Variants in STK3 observed in about 807,000 individuals in gnomAD.
The protein encoded by STK3 is serine/threonine-protein kinase 3.
In STK3, 41 loss-of-function variants were observed where a neutral mutation model predicts 58.0. That is an observed-to-expected ratio of 0.71 (90% CI 0.55 to 0.92). STK3 has a LOEUF of 0.92. STK3 is among the 40% of genes least tolerant of loss of function. STK3 has a pLI of 0.00. For synonymous variants in STK3, 170 were observed against 191.0 expected, an observed-to-expected ratio of 0.89 and a Z score of 0.91; for missense variants, 479 against 602.7, an observed-to-expected ratio of 0.79 and a Z score of 2.15.
At chr8:98,447,815 G>A (rs956480101) in intron 1 of STK3, among the ~76,000 whole-genome samples, 6 of 148,726 alleles carry the variant, frequency 4.0e-5, no homozygotes, top group Admixed American at 2.0e-4. Flanking sequence ...TCAGGGAACT[G>A]AGCAAGGCAC....
intron 3 of STK3, among the ~76,000 whole-genome samples, chr8:98,842,497 G>A (rs1341222762): frequency 6.6e-6 from 1 of 152,046 alleles, no homozygotes; most frequent in Admixed American, 6.6e-5. Context: ...GCAACATGGG[G>A]AAATCAAGTC....
intron 4 of STK3, among the ~76,000 whole-genome samples, chr8:98,708,564 G>A (rs1419727267): frequency 6.6e-6 from 1 of 152,192 alleles, no homozygotes; most frequent in Non-Finnish European, 1.5e-5. Context: ...CCGAGGAAGA[G>A]ACGGATGGGA....
Position 98,849,566 on chromosome 8 carries a change from C to T in STK3, c.110+34081G>A, listed in dbSNP as rs569061901. Among the ~76,000 whole-genome samples, 9 of 152,314 alleles carry T rather than the reference C, an allele frequency of 5.9e-5. No homozygotes were observed. In the South Asian group the frequency reaches 1.9e-3, roughly 32 times the overall value. ...TAACTGAGAAGTTTGGGAGACCTGA[C>T]TTCAGATATAGATGGATGCAAGGGT... On this transcript the variant is annotated intron_variant, in intron 3 of 12. Transcript: ENST00000523601.
At chr8:98,923,344 A>C (rs1839645496) in intron 1 of STK3, among the ~76,000 whole-genome samples, 1 of 152,202 alleles carries the variant, frequency 6.6e-6, no homozygotes, top group Admixed American at 6.5e-5. Flanking sequence ...AAGAGTAATA[A>C]AATTTCCATC....
intron 1 of STK3, among the ~76,000 whole-genome samples, chr8:98,777,347 G>A (rs894796004): frequency 9.9e-5 from 15 of 151,968 alleles, no homozygotes; most frequent in Non-Finnish European, 1.8e-4. Context: ...GGCAAACGGC[G>A]GAACCCTGTC....
chr8:98,721,483 A>G (rs1827423503), intron 4 of STK3, among the ~76,000 whole-genome samples: 1 of 152,108 alleles, frequency 6.6e-6, no homozygotes, highest in East Asian at 1.9e-4. Flanking sequence ...AGGCTGGGCA[A>G]CATAGTGAGG....
intron 4 of STK3, chr8:98,723,083 T>C (rs1827553481): frequency 4.0e-6 from 1 of 253,074 alleles, no homozygotes; most frequent in Non-Finnish European, 7.9e-6. Context: ...ACATTACAGA[T>C]TTCATTTCAT....
At chr8:98,551,674 G>A (rs1811182135) in intron 8 of STK3, among the ~76,000 whole-genome samples, 1 of 152,094 alleles carries the variant, frequency 6.6e-6, no homozygotes, top group South Asian at 2.1e-4. Flanking sequence ...GGCGCACAAG[G>A]ATAAGCACTT....
chr8:98,448,085 C>G (rs974059014), intron 1 of STK3, among the ~76,000 whole-genome samples: 8 of 151,524 alleles, frequency 5.3e-5, no homozygotes, highest in African/African-American at 1.9e-4. Context: ...CTCCAAATCA[C>G]TACTTACTTG....
intron 3 of STK3, among the ~76,000 whole-genome samples, chr8:98,410,293 G>A (rs551084049): frequency 4.6e-5 from 7 of 152,210 alleles, no homozygotes; most frequent in South Asian, 2.1e-4. Flanking sequence ...TGTGAACGCC[G>A]TCCTCTCGCC....
At chr8:98,410,169 G>T (rs529418842) in intron 3 of STK3, among the ~76,000 whole-genome samples, 1 of 152,256 alleles carries the variant, frequency 6.6e-6, no homozygotes, top group South Asian at 2.1e-4. Context: ...GATCTTAGAA[G>T]GCAATCTGAC....
chr8:98,346,818 G>GA, the STK3 span, among the ~76,000 whole-genome samples: 30 of 142,684 alleles, frequency 2.1e-4, 1 homozygote, highest in South Asian at 4.4e-4. Flanking sequence ...GTTTCAGGCA[G>GA]AAAAAAAAAA....
At chr8:98,354,131 C>A in the STK3 span, among the ~76,000 whole-genome samples, 4 of 152,164 alleles carry the variant, frequency 2.6e-5, no homozygotes, top group Admixed American at 2.6e-4. Flanking sequence ...AAAGCTCAAC[C>A]AGGTGAAATT....
At chr8:98,824,854 C>T (rs776323124) in intron 1 of STK3, among the ~76,000 whole-genome samples, 1 of 152,170 alleles carries the variant, frequency 6.6e-6, no homozygotes, top group African/African-American at 2.4e-5. Flanking sequence ...AATATTTTAG[C>T]AACATCAAAC....
intron 3 of STK3, among the ~76,000 whole-genome samples, chr8:98,753,065 C>A (rs1830079537): frequency 6.6e-6 from 1 of 151,872 alleles, no homozygotes; most frequent in Admixed American, 6.6e-5. Context: ...TCCTCAAAGA[C>A]CTAGAGACCT....
rs548102185 is a variant in STK3 at position 98,533,874 on chromosome 8, A to G, written c.1142-6957T>C. On this transcript the variant is annotated intron_variant, in intron 9 of 10. Coordinates refer to ENST00000419617, the MANE Select transcript of STK3 (RefSeq NM_006281.4). ...ATGTAGAATTCCAAATCCTTTACCT[A>G]AATAATTTCACAGATAACTCTATTA... Among the ~76,000 whole-genome samples, 13 of 152,276 alleles carry G rather than the reference A, an allele frequency of 8.5e-5. No homozygotes were observed. The South Asian group carries it at 2.1e-3, about 24-fold the overall frequency.
In STK3 at chr8:98,767,331, C is replaced by T. The variant is rs749191480; in HGVS notation, c.148G>A (p.Gly50Ser). 1.1e-5 allele frequency: 18 copies of T among 1,610,436 alleles called. No individual in the cohort carries two copies. The highest frequency in any genetic ancestry group is 1.4e-5 in the Non-Finnish European group (17 of 1,179,144). Residue 50 changes from glycine (G) to serine (S), a missense_variant, in exon 3 of 11, where the codon GGT (glycine) becomes AGT (serine). Coordinates refer to ENST00000419617, the MANE Select transcript of STK3 (RefSeq NM_006281.4). ...SVFKAIHKES[G>S]QVVAIKQVPV... ...ACTTGTTTAATTGCGACAACTTGACCGGATTCCTTGTGTATTGCTTTAAAT... is the reference window on the plus strand; with the variant it reads ...ACTTGTTTAATTGCGACAACTTGACTGGATTCCTTGTGTATTGCTTTAAAT...
At chr8:98,826,595 C>CA (rs1363013820), upstream of STK3, among the ~76,000 whole-genome samples, 1 of 152,244 alleles carries the variant, frequency 6.6e-6, no homozygotes, top group African/African-American at 2.4e-5. Context: ...AACCTGATTC[C>CA]AGCAGCCCTC....
At chr8:98,690,035 G>A (rs975573027) in intron 6 of STK3, among the ~76,000 whole-genome samples, 1 of 151,940 alleles carries the variant, frequency 6.6e-6, no homozygotes, top group African/African-American at 2.4e-5. Context: ...GACATCAAAG[G>A]AACATACCTT....
Sources: allele counts gnomAD v4.1 joint callset (sites outside exome capture counted in the v4.1 genomes callset), GRCh38; gene constraint gnomAD v4.1.1; transcripts MANE v1.5; gene names NCBI Gene and HGNC (gene_info 2026-07-23, HGNC 2026-07-21).